The following SBF2 variants were observed in gnomAD, a reference collection of about 807,000 sequenced individuals.
The protein encoded by SBF2 is SET binding factor 2, also known as myotubularin-related protein 13.
A neutral mutation model predicts 225.2 loss-of-function variants in SBF2; 112 were observed. That is an observed-to-expected ratio of 0.50 (90% CI 0.43 to 0.58). The LOEUF (loss-of-function observed/expected upper bound fraction) is 0.58. Among genes scored for constraint, SBF2 ranks in the 20% least tolerant of loss-of-function variants. SBF2 has a pLI of 0.00. For missense variants in SBF2, 1,996 were observed against 2,206.2 expected (o/e 0.90, Z 1.91); for synonymous variants, 763 against 773.3 (o/e 0.99, Z 0.22).
upstream of SBF2, among the ~76,000 whole-genome samples, chr11:10,295,073 A>T (rs1408764613): frequency 1.3e-5 from 2 of 152,128 alleles, no homozygotes; most frequent in East Asian, 3.8e-4. Flanking sequence ...ATTCAGGTGA[A>T]CTCACTTTGT....
intron 15 of SBF2, among the ~76,000 whole-genome samples, chr11:9,963,482 T>C (rs919735055): frequency 3.3e-5 from 5 of 151,934 alleles, no homozygotes; most frequent in Non-Finnish European, 7.4e-5. Context: ...AAAAATAAAA[T>C]GAAAAAAATT....
At chr11:10,087,957 T>C (rs1565214930) in intron 2 of SBF2, among the ~76,000 whole-genome samples, 1 of 152,164 alleles carries the variant, frequency 6.6e-6, no homozygotes, top group Non-Finnish European at 1.5e-5. Flanking sequence ...ACTTAATATG[T>C]GGTAGGTTCT....
chr11:9,801,331 C>A (rs973179662), intron 32 of SBF2, among the ~76,000 whole-genome samples: 1 of 152,030 alleles, frequency 6.6e-6, no homozygotes, highest in African/African-American at 2.4e-5. Context: ...AGAAGAGAAT[C>A]TGAAATGGAA....
rs55922206 is a variant in SBF2, at chr11:9,826,713, G to GTATA, written c.3793+2639_3793+2642dup. Among the ~76,000 whole-genome samples the GTATA allele has an allele frequency of 5.5e-3, 821 of 148,856 alleles. 3 individuals carry two copies. The highest frequency in any genetic ancestry group is 0.017 in the Middle Eastern group (5 of 290). ...AGATTACTTACTTAGTGTGTGGTGT[G>GTATA]TATATATATATATATATATGTGTGT... On this transcript the variant is annotated intron_variant, in intron 28 of 39. Transcript: ENST00000256190.
chr11:10,051,920 T>C (rs538373876), intron 2 of SBF2, among the ~76,000 whole-genome samples: 18 of 152,266 alleles, frequency 1.2e-4, no homozygotes, highest in Non-Finnish European at 2.1e-4. Context: ...ATAACAATGC[T>C]AGCTGGTTTA....
At chr11:9,802,474 T>C (rs370522100) in intron 32 of SBF2, among the ~76,000 whole-genome samples, 1 of 152,388 alleles carries the variant, frequency 6.6e-6, no homozygotes, top group East Asian at 1.9e-4. Flanking sequence ...CATATGTCCA[T>C]GGACTGCCTT....
chr11:9,832,538 C>A, intron 26 of SBF2, 118 bp from the exon 27 acceptor site: 1 of 719,452 alleles, frequency 1.4e-6, no homozygotes, highest in South Asian at 1.6e-5. Context: ...ATACTAATAT[C>A]ATAGTAATTT....
chr11:9,864,506 C>G (rs777620974), intron 17 of SBF2, among the ~76,000 whole-genome samples: 1 of 152,170 alleles, frequency 6.6e-6, no homozygotes, highest in Non-Finnish European at 1.5e-5. Flanking sequence ...CTTGCCTCAG[C>G]CTCCTGTGTA....
chr11:9,926,633 T>C (rs1344292501), intron 16 of SBF2, among the ~76,000 whole-genome samples: 1 of 152,090 alleles, frequency 6.6e-6, no homozygotes, highest in Non-Finnish European at 1.5e-5. Flanking sequence ...CTACATAACA[T>C]AATTCTAAAT....
chr11:9,851,872 G>A (rs1856983760), intron 21 of SBF2, among the ~76,000 whole-genome samples: 1 of 152,182 alleles, frequency 6.6e-6, no homozygotes, highest in African/African-American at 2.4e-5. Context: ...TTGGCCTCAA[G>A]TGATCCTCCC....
intron 1 of SBF2, among the ~76,000 whole-genome samples, chr11:10,222,245 C>T (rs1394777436): frequency 1.3e-5 from 2 of 152,092 alleles, no homozygotes; most frequent in Non-Finnish European, 2.9e-5. Flanking sequence ...ATCTAAAATT[C>T]CTTGACTAAC....
rs1016912689 is a variant in SBF2, at chr11:9,959,854, G to A, written c.1860+2103C>T. The A allele has an allele frequency of 7.7e-6, 4 of 516,808 alleles. No homozygotes were observed. The Admixed American group carries it at 8.2e-5, about 11-fold the overall frequency. The allele number at this position is 516,808 out of a possible 1,614,324, so 32.0% of individuals were successfully genotyped here. On this transcript the variant is annotated intron_variant, in intron 16 of 39. Coordinates refer to ENST00000256190, the MANE Select transcript of SBF2 (RefSeq NM_030962.4). ...GTAGGCTGCGAGAGTGAGGAGAGGA[G>A]AGAGGAGGGGAGGCCACTGTGCGCT...
At chr11:10,275,198 G>GA (rs202095329) in intron 1 of SBF2, among the ~76,000 whole-genome samples, 371 of 151,576 alleles carry the variant, frequency 2.4e-3, no homozygotes, top group Admixed American at 7.4e-3. Flanking sequence ...AGAGAGAAGA[G>GA]AAAAAAAAGA....
chr11:9,951,752 C>T (rs7949110), intron 16 of SBF2, among the ~76,000 whole-genome samples: 17,956 of 152,044 alleles, frequency 0.12, 1,152 homozygotes, highest in Non-Finnish European at 0.13. Flanking sequence ...AGGAAGAGGA[C>T]AGGACAATTA....
intron 11 of SBF2, 98 bp from the exon 12 acceptor site, chr11:9,992,641 C>T (rs1404516728): frequency 1.2e-5 from 14 of 1,141,486 alleles, no homozygotes; most frequent in Non-Finnish European, 1.6e-5. Flanking sequence ...CTATATAAAT[C>T]CCTTCATGTA....
At position 10,001,034 on chromosome 11, in the gene SBF2, A is replaced by G. The variant is rs749873312; in HGVS notation, c.753-12T>C. Reference sequence around the variant, plus strand: ...GGATATAAGGATAACTGGAAATAATAAAAATATGCGTCAAATATATTTTTC... The same window carrying G: ...GGATATAAGGATAACTGGAAATAATGAAAATATGCGTCAAATATATTTTTC... On this transcript the variant is annotated splice_polypyrimidine_tract_variant and intron_variant, in intron 7 of 39. Coordinates refer to ENST00000256190, the MANE Select transcript of SBF2 (RefSeq NM_030962.4). The G allele has an allele frequency of 7.4e-7, 1 of 1,352,226 alleles. No homozygotes were observed. The allele number at this position is 1,352,226 out of a possible 1,614,324, so 83.8% of individuals were successfully genotyped here.
intron 13 of SBF2, among the ~76,000 whole-genome samples, chr11:9,970,935 T>G (rs1867288153): frequency 1.3e-5 from 2 of 152,256 alleles, no homozygotes; most frequent in Non-Finnish European, 2.9e-5. Context: ...TGTCTGGACT[T>G]AACACCAATG....
chr11:10,206,565 T>C (rs1470160634), intron 1 of SBF2, among the ~76,000 whole-genome samples: 2 of 152,066 alleles, frequency 1.3e-5, no homozygotes, highest in Admixed American at 6.6e-5. Context: ...TCTGCAAAGA[T>C]TTTAAAGCAG....
At chr11:9,981,464 T>C (rs1435403196) in intron 13 of SBF2, among the ~76,000 whole-genome samples, 3 of 152,150 alleles carry the variant, frequency 2.0e-5, no homozygotes, top group Admixed American at 6.5e-5. Flanking sequence ...AAAGTTGAAA[T>C]TATTTAAAAA....
Sources: gnomAD v4.1 joint callset for allele counts (sites outside exome capture counted in the v4.1 genomes callset) on GRCh38, gnomAD v4.1.1 for gene constraint, MANE v1.5 for transcripts, NCBI Gene and HGNC (gene_info 2026-07-23, HGNC 2026-07-21) for gene names.